PRMT3: variants seen among roughly 807,000 people sequenced by gnomAD.
PRMT3 encodes protein arginine N-methyltransferase 3.
Under a neutral mutation model 71.9 loss-of-function variants are expected in PRMT3, and 62 were observed. The ratio of observed to expected loss-of-function variants is 0.86; its 90% CI spans 0.70 to 1.07. The LOEUF (loss-of-function observed/expected upper bound fraction) is 1.07, where lower values mean the gene tolerates loss of function less well. Among genes scored for constraint, PRMT3 ranks in the 50% least tolerant of loss-of-function variants. The pLI is 0.00. For synonymous variants in PRMT3, 213 were observed against 220.4 expected, an observed-to-expected ratio of 0.97 and a Z score of 0.30; for missense variants, 663 against 643.0, an observed-to-expected ratio of 1.03 and a Z score of -0.34.
chr11:20,431,003 C>A (rs1477046415), intron 10 of PRMT3, among the ~76,000 whole-genome samples: 1 of 152,054 alleles, frequency 6.6e-6, no homozygotes, highest in East Asian at 1.9e-4. Context: ...TAAAACTGTT[C>A]AAAATAAGCA....
At position 20,461,991 on chromosome 11, in the gene PRMT3, A is replaced by G; in HGVS notation, c.1084A>G (p.Ile362Val). ...TTTGTTTGTTACAGTCTACCCTGACATTTGCACTATCAGCCTTGTAGCAGT... is the reference window on the plus strand; with the variant it reads ...TTTGTTTGTTACAGTCTACCCTGACGTTTGCACTATCAGCCTTGTAGCAGT... ...LAKGGSVYPDICTISLVAVSD... is the reference protein window; with the variant it reads ...LAKGGSVYPDVCTISLVAVSD... Residue 362 changes from isoleucine to valine, a missense_variant, in exon 12 of 16, where the codon ATT becomes GTT. Coordinates refer to ENST00000331079, the MANE Select transcript of PRMT3 (RefSeq NM_005788.4). 6.3e-7 allele frequency: 1 copy of G among 1,585,432 alleles called. No homozygotes were observed. The highest frequency in any genetic ancestry group is 1.3e-5 in the African/African-American group (1 of 74,688).
intron 13 of PRMT3, among the ~76,000 whole-genome samples, chr11:20,468,281 CTAAT>C (rs1362870097): frequency 1.3e-5 from 2 of 152,244 alleles, no homozygotes; most frequent in African/African-American, 2.4e-5. Context: ...TGCTTAGCTA[CTAAT>C]TAAAGTGGAG....
At chr11:20,389,429 G>A (rs116421861) in intron 2 of PRMT3, among the ~76,000 whole-genome samples, 2,565 of 151,662 alleles carry the variant, frequency 0.017, 90 homozygotes, top group African/African-American at 0.059. Context: ...TGACTTGAGA[G>A]AAACAGACTC....
Position 20,494,403 on chromosome 11 carries a change from G to T in PRMT3, c.1486+149G>T, listed in dbSNP as rs1373146320. ...ACCCAGGCTGGAGAACAGTGATCTC[G>T]GCTCACTGCAACCTCCATCCCCTGG... On this transcript the variant is annotated intron_variant, in intron 15 of 15. Transcript: ENST00000331079. 7.2e-6 allele frequency: 5 copies of T among 694,632 alleles called. No individual in the cohort carries two copies. In the African/African-American group the frequency reaches 7.3e-5, roughly 10 times the overall value. The allele number at this position is 694,632 out of a possible 1,614,324, so 43.0% of individuals were successfully genotyped here.
intron 13 of PRMT3, among the ~76,000 whole-genome samples, chr11:20,484,388 T>TG (rs1362134011): frequency 6.6e-6 from 1 of 150,926 alleles, no homozygotes; most frequent in African/African-American, 2.4e-5. Context: ...GTTTAAGAAT[T>TG]GGGGGGAGTG....
At chr11:20,501,076 C>T (rs1851447271) in intron 15 of PRMT3, among the ~76,000 whole-genome samples, 1 of 152,090 alleles carries the variant, frequency 6.6e-6, no homozygotes, top group Admixed American at 6.5e-5. Flanking sequence ...GTTTTTCTAC[C>T]TAGAAGGTTG....
At chr11:20,389,380 CACTT>C (rs1194106835) in intron 2 of PRMT3, among the ~76,000 whole-genome samples, 10 of 152,248 alleles carry the variant, frequency 6.6e-5, no homozygotes, top group East Asian at 1.9e-4. Flanking sequence ...GCAGAGTTGA[CACTT>C]AGAGGAGAAA....
chr11:20,453,505 G>A (rs1048579976), intron 11 of PRMT3, among the ~76,000 whole-genome samples: 1 of 150,970 alleles, frequency 6.6e-6, no homozygotes, highest in Non-Finnish European at 1.5e-5. Flanking sequence ...AATCAGTAAG[G>A]CCAAAACATA....
intron 3 of PRMT3, among the ~76,000 whole-genome samples, chr11:20,391,811 C>T (rs2133295612): frequency 6.6e-6 from 1 of 152,218 alleles, no homozygotes; most frequent in East Asian, 1.9e-4. Flanking sequence ...AGCTAGTATA[C>T]ACCATGTCCT....
At chr11:20,425,112 A>C (rs1185420152) in intron 9 of PRMT3, among the ~76,000 whole-genome samples, 1 of 152,108 alleles carries the variant, frequency 6.6e-6, no homozygotes, top group African/African-American at 2.4e-5. Context: ...TCTTTAAAAA[A>C]AAAAAAAAAA....
chr11:20,492,161 A>G (rs956767836), intron 13 of PRMT3, among the ~76,000 whole-genome samples: 7 of 152,232 alleles, frequency 4.6e-5, no homozygotes, highest in African/African-American at 1.7e-4. Context: ...AACAGAATGT[A>G]TAATAAACAC....
chr11:20,485,579 T>G (rs571965576), intron 13 of PRMT3, among the ~76,000 whole-genome samples: 2 of 152,216 alleles, frequency 1.3e-5, no homozygotes, highest in East Asian at 3.9e-4. Context: ...CAGATCTTCA[T>G]GTATTAGTGT....
chr11:20,389,490 T>C (rs1848666114), intron 2 of PRMT3, among the ~76,000 whole-genome samples: 2 of 152,198 alleles, frequency 1.3e-5, no homozygotes, highest in Admixed American at 1.3e-4. Flanking sequence ...GTGATATTAT[T>C]TGACAAATAA....
At chr11:20,404,875 T>C (rs1468047428) in intron 8 of PRMT3, among the ~76,000 whole-genome samples, 1 of 152,158 alleles carries the variant, frequency 6.6e-6, no homozygotes, top group Admixed American at 6.5e-5. Context: ...GTTTTTCTTT[T>C]AGCCATCTTC....
At chr11:20,412,958 T>C (rs1425617440) in intron 9 of PRMT3, among the ~76,000 whole-genome samples, 1 of 152,100 alleles carries the variant, frequency 6.6e-6, no homozygotes, top group Non-Finnish European at 1.5e-5. Context: ...TCAGAATTAG[T>C]TACCAGGCAG....
chr11:20,479,617 G>A (rs1850881083), intron 13 of PRMT3, among the ~76,000 whole-genome samples: 1 of 152,100 alleles, frequency 6.6e-6, no homozygotes, highest in Non-Finnish European at 1.5e-5. Flanking sequence ...TATGTGTGCC[G>A]AATATAGGTT....
chr11:20,420,572 G>A (rs528850992), intron 9 of PRMT3, among the ~76,000 whole-genome samples: 9 of 152,262 alleles, frequency 5.9e-5, no homozygotes, highest in East Asian at 3.9e-4. Context: ...CTGCGTATGC[G>A]AGGGATCTAG....
chr11:20,495,303 A>G (rs930033154), intron 15 of PRMT3, among the ~76,000 whole-genome samples: 2 of 152,130 alleles, frequency 1.3e-5, no homozygotes, highest in African/African-American at 2.4e-5. Context: ...GACATGAGCC[A>G]CCGCACCCAG....
Position 20,446,449 on chromosome 11 carries a change from G to T in PRMT3, c.994-5681G>T, listed in dbSNP as rs1219975210. Among the ~76,000 whole-genome samples, 6 of 151,724 alleles carry T rather than the reference G, an allele frequency of 4.0e-5. No homozygotes were observed. In the East Asian group the frequency reaches 1.2e-3, roughly 29 times the overall value. ...GCTGGCCAATATCTTTTCAGACTCT[G>T]TGACTTCATTGTTTTTATGAGCAGA... On this transcript the variant is annotated intron_variant, in intron 10 of 15. Coordinates refer to ENST00000331079, the MANE Select transcript of PRMT3 (RefSeq NM_005788.4).
Sources: allele counts gnomAD v4.1 joint callset (sites outside exome capture counted in the v4.1 genomes callset), GRCh38; gene constraint gnomAD v4.1.1; transcripts MANE v1.5; gene names NCBI Gene and HGNC (gene_info 2026-07-23, HGNC 2026-07-21).